Variants in MBLAC2 observed in about 807,000 individuals in gnomAD.
MBLAC2 encodes the protein metallo-beta-lactamase domain containing 2.
MBLAC2 carries 24 observed loss-of-function variants against 23.3 expected under a neutral mutation model. The observed-to-expected ratio is 1.03, with a 90% CI of 0.75 to 1.45. The LOEUF is 1.45. MBLAC2 is among the 40% of genes most tolerant of loss of function. MBLAC2 has a pLI of 0.00. For synonymous variants in MBLAC2, 162 were observed against 150.9 expected (o/e 1.07, Z -0.54); for missense variants, 358 against 370.0 (o/e 0.97, Z 0.27).
intron 1 of MBLAC2, among the ~76,000 whole-genome samples, chr5:90,468,402 TTTCTTC>T (rs1750486626): frequency 6.6e-6 from 1 of 152,208 alleles, no homozygotes; most frequent in East Asian, 1.9e-4. Context: ...TTAATTCCTT[TTTCTTC>T]GTCTTTGACG....
chr5:90,474,277 A>T lies in MBLAC2; in HGVS notation c.16T>A (p.Trp6Arg). 1 of 1,613,144 alleles carries T rather than the reference A, an allele frequency of 6.2e-7. No homozygotes were observed. The highest frequency in any genetic ancestry group is 8.5e-7 in the Non-Finnish European group (1 of 1,179,718). MSALE[W>R]YAHKSLGDGI... ...TCGCCTAGAGACTTGTGGGCGTACC[A>T]CTCGAGCGCCGACATGCTGGGCAGG... The change falls in exon 1 of 2, where the codon TGG (tryptophan) becomes AGG (arginine). Residue 6 changes from tryptophan (W) to arginine (R), a missense_variant. Trp to Arg is a moderately radical substitution (Grantham distance 101, BLOSUM62 -3). Coordinates refer to ENST00000316610, the MANE Select transcript of MBLAC2 (RefSeq NM_203406.2).
intron 1 of MBLAC2, chr5:90,472,474 G>T (rs201320411): frequency 7.3e-6 from 1 of 137,520 alleles, no homozygotes; most frequent in Non-Finnish European, 1.6e-5. Flanking sequence ...ATGAAGACTT[G>T]TTCGGTGGGT....
At chr5:90,463,841 C>A (rs1750409063) in intron 1 of MBLAC2, among the ~76,000 whole-genome samples, 1 of 151,930 alleles carries the variant, frequency 6.6e-6, no homozygotes, top group Non-Finnish European at 1.5e-5. Context: ...ACACCTTTAG[C>A]TAGACAAATC....
intron 1 of MBLAC2, among the ~76,000 whole-genome samples, chr5:90,462,637 AAAG>A (rs1215442230): frequency 5.3e-5 from 8 of 152,312 alleles, no homozygotes; most frequent in Admixed American, 2.0e-4. Flanking sequence ...ATATTACTAA[AAAG>A]AAGTAATTTT....
intron 1 of MBLAC2, among the ~76,000 whole-genome samples, chr5:90,470,451 C>T (rs1750525228): frequency 6.6e-6 from 1 of 151,912 alleles, no homozygotes; most frequent in African/African-American, 2.4e-5. Context: ...ACACGTACCC[C>T]ATAAGTAATT....
chr5:90,464,702 G>C (rs1368965353), intron 1 of MBLAC2, among the ~76,000 whole-genome samples: 1 of 152,100 alleles, frequency 6.6e-6, no homozygotes, highest in African/African-American at 2.4e-5. Context: ...ACCAAGTGAA[G>C]TTTATTCCAG....
chr5:90,474,609 T>A lies in MBLAC2; in HGVS notation c.-317A>T. On this transcript the variant is annotated 5_prime_UTR_variant, in exon 1 of 2. Coordinates refer to ENST00000316610, the MANE Select transcript of MBLAC2 (RefSeq NM_203406.2). ...GAGAGAGCTTTAACGCAGGGGCCACTGCAGCAGAATGGAGACTCAGGTGGC... is the reference window on the plus strand; with the variant it reads ...GAGAGAGCTTTAACGCAGGGGCCACAGCAGCAGAATGGAGACTCAGGTGGC... 1 of 376,946 alleles carries A rather than the reference T, an allele frequency of 2.7e-6. No individual in the cohort carries two copies. Among genetic ancestry groups the A allele is most frequent in the Non-Finnish European group, 4.9e-6 (1 of 205,662 alleles). The allele number at this position is 376,946 out of a possible 1,614,324, so 23.4% of individuals were successfully genotyped here. A position where few individuals can be genotyped will look rare whatever the true frequency, so the allele number is the denominator to read the frequency against.
chr5:90,474,224 GA>G lies in MBLAC2; in HGVS notation c.68del (p.Phe23SerfsTer21). On this transcript the variant is annotated frameshift_variant, in exon 1 of 2. Coordinates refer to ENST00000316610, the MANE Select transcript of MBLAC2 (RefSeq NM_203406.2). LOFTEE classifies it high-confidence loss of function. ...GDGIFWIQER[F>X]YESGNRANIW... ...TGTTGGCACGGTTGCCCGACTCGTA[GA>G]AACGTTCTTGAATCCAGAAGATACC... 1 of 1,613,342 alleles carries G rather than the reference GA, an allele frequency of 6.2e-7. No individual in the cohort carries two copies. Among genetic ancestry groups the G allele is most frequent in the Non-Finnish European group, 8.5e-7 (1 of 1,179,694 alleles).
intron 1 of MBLAC2, among the ~76,000 whole-genome samples, chr5:90,469,154 C>CG (rs1750503909): frequency 6.6e-6 from 1 of 152,022 alleles, no homozygotes; most frequent in African/African-American, 2.4e-5. Flanking sequence ...TTAGTAGAGA[C>CG]GGGGTTTCAC....
chr5:90,468,510 G>A (rs1202826124), intron 1 of MBLAC2, among the ~76,000 whole-genome samples: 1 of 151,768 alleles, frequency 6.6e-6, no homozygotes. Context: ...AGTGCATTTT[G>A]AATTTCTCTA....
In MBLAC2 at chr5:90,474,013, G is replaced by A; in HGVS notation, c.280C>T (p.Gln94Ter). ...TGGTGCACTGCCACGCGGTCGAACTGGTAGAGGCCGCCGGAGTGGTCGAAG... is the reference window on the plus strand; with the variant it reads ...TGGTGCACTGCCACGCGGTCGAACTAGTAGAGGCCGCCGGAGTGGTCGAAG... ...VHFDHSGGLY[Q>*]FDRVAVHHAE... is the part of the protein sequence containing the mutation. The change falls in exon 1 of 2, where the codon CAG becomes TAG. Residue 94 changes from glutamine (Q) to a stop codon, truncating the protein, a stop_gained. Transcript: ENST00000316610. LOFTEE classifies it high-confidence loss of function. The A allele has an allele frequency of 6.3e-7, 1 of 1,596,930 alleles. No individual in the cohort carries two copies. Among genetic ancestry groups the A allele is most frequent in the Non-Finnish European group, 8.5e-7 (1 of 1,172,970 alleles).
rs937911917 is a variant in MBLAC2 at position 90,460,922 on chromosome 5, T to C, written c.*245A>G. The C allele has an allele frequency of 2.7e-6, 1 of 364,926 alleles. No homozygotes were observed. Among genetic ancestry groups the C allele is most frequent in the Non-Finnish European group, 4.9e-6 (1 of 204,782 alleles). The allele number at this position is 364,926 out of a possible 1,614,324, so 22.6% of individuals were successfully genotyped here. ...CTTCCCCATAAACCTTTATGTCATT[T>C]CTAGAGCATATATTACAAGATGACA... On this transcript the variant is annotated 3_prime_UTR_variant, in exon 2 of 2. Transcript: ENST00000316610.
intron 1 of MBLAC2, among the ~76,000 whole-genome samples, chr5:90,472,145 T>C (rs962049689): frequency 6.6e-6 from 1 of 152,238 alleles, no homozygotes; most frequent in Non-Finnish European, 1.5e-5. Context: ...TATCATTCTC[T>C]CACCTTTGAT....
intron 1 of MBLAC2, chr5:90,473,328 G>T (rs1750600031): frequency 1.1e-5 from 3 of 268,304 alleles, no homozygotes; most frequent in Non-Finnish European, 1.4e-5. Flanking sequence ...GGAATCACTG[G>T]TCTGATGACT....
intron 1 of MBLAC2, among the ~76,000 whole-genome samples, chr5:90,468,361 C>T (rs538045748): frequency 8.5e-5 from 13 of 152,148 alleles, no homozygotes; most frequent in African/African-American, 2.2e-4. Flanking sequence ...AACGTAGCCC[C>T]GGACTTCTTG....
intron 1 of MBLAC2, among the ~76,000 whole-genome samples, chr5:90,462,111 G>C (rs1750377648): frequency 6.6e-6 from 1 of 152,122 alleles, no homozygotes; most frequent in Admixed American, 6.5e-5. Flanking sequence ...TATAAATCAT[G>C]ATGCTCTAAT....
rs1240161015 is a variant in MBLAC2 at position 90,473,827 on chromosome 5, G to C, written c.454+12C>G. The C allele has an allele frequency of 2.6e-6, 4 of 1,563,954 alleles. No homozygotes were observed. The highest frequency in any genetic ancestry group is 1.7e-4 in the Middle Eastern group (1 of 6,014). ...CCCTTAACGAGAGCGCGCGCCCGCG[G>C]GGGCCCATTACCATCCTGCAGGATG... On this transcript the variant is annotated intron_variant, in intron 1 of 1. Transcript: ENST00000316610.
At chr5:90,465,656 T>C (rs1437425476) in intron 1 of MBLAC2, among the ~76,000 whole-genome samples, 1 of 152,210 alleles carries the variant, frequency 6.6e-6, no homozygotes, top group Non-Finnish European at 1.5e-5. Context: ...TATAGCTCAC[T>C]GTAACCCCTG....
Position 90,461,452 on chromosome 5 carries a change from G to T in MBLAC2, c.555C>A (p.Leu185=), listed in dbSNP as rs1288171014. ...CATCATACACGACGTCTCCACTGAA[G>T]AGAATCTTTCGGTCTTTGTCATGTA... is the stretch of plus-strand genomic sequence containing the variant. ...ICLHDKDRKI[L]FSGDVVYDGS... The change falls in exon 2 of 2, where the codon CTC becomes CTA. Residue 185 remains leucine, a synonymous_variant. Coordinates refer to ENST00000316610, the MANE Select transcript of MBLAC2 (RefSeq NM_203406.2). The T allele has an allele frequency of 6.2e-7, 1 of 1,614,150 alleles. No individual in the cohort carries two copies. The highest frequency in any genetic ancestry group is 1.7e-5 in the Admixed American group (1 of 60,012).
Sources: gnomAD v4.1 joint callset for allele counts (sites outside exome capture counted in the v4.1 genomes callset) on GRCh38, gnomAD v4.1.1 for gene constraint, MANE v1.5 for transcripts, NCBI Gene and HGNC (gene_info 2026-07-23, HGNC 2026-07-21) for gene names.